LDB2: variants seen among roughly 807,000 people sequenced by gnomAD.
LDB2 encodes LIM domain binding 2, also known as LIM domain-binding protein 2.
LDB2 carries 12 observed loss-of-function variants against 44.3 expected under a neutral mutation model. That is an observed-to-expected ratio of 0.27 (90% CI 0.17 to 0.44). The LOEUF is 0.44. Among genes scored for constraint, LDB2 ranks in the 20% least tolerant of loss-of-function variants. LDB2 has a pLI of 1.00. For missense variants in LDB2, 344 were observed against 473.5 expected (o/e 0.73, Z 2.54); for synonymous variants, 164 against 174.8 (o/e 0.94, Z 0.49).
chr4:16,824,585 C>G (rs1469174038), intron 1 of LDB2, among the ~76,000 whole-genome samples: 1 of 152,140 alleles, frequency 6.6e-6, no homozygotes, highest in Non-Finnish European at 1.5e-5. Flanking sequence ...TGTCTTTGTC[C>G]AAGAGGCAAA....
intron 1 of LDB2, among the ~76,000 whole-genome samples, chr4:16,841,023 T>C (rs186874352): frequency 7.9e-5 from 12 of 151,846 alleles, no homozygotes; most frequent in Non-Finnish European, 1.3e-4. Flanking sequence ...TGCATGCACA[T>C]TCAAACCGCA....
intron 2 of LDB2, among the ~76,000 whole-genome samples, chr4:16,696,923 G>C (rs889436887): frequency 1.3e-5 from 2 of 152,046 alleles, no homozygotes; most frequent in Admixed American, 1.3e-4. Flanking sequence ...TGGGGAAAAA[G>C]TCACCCAGGT....
chr4:16,861,774 A>G (rs887226), intron 1 of LDB2, among the ~76,000 whole-genome samples: 1 of 152,010 alleles, frequency 6.6e-6, no homozygotes, highest in Non-Finnish European at 1.5e-5. Context: ...GCCGCAGACA[A>G]ACTACGCCTT....
intron 2 of LDB2, among the ~76,000 whole-genome samples, chr4:16,600,860 T>C (rs1047389781): frequency 2.0e-5 from 3 of 152,140 alleles, no homozygotes; most frequent in Non-Finnish European, 2.9e-5. Flanking sequence ...TTTTCCTTGT[T>C]TAGAAACAAA....
intron 5 of LDB2, among the ~76,000 whole-genome samples, chr4:16,530,678 G>GT (rs1328717767): frequency 6.6e-6 from 1 of 152,110 alleles, no homozygotes; most frequent in Non-Finnish European, 1.5e-5. Context: ...TTTCTTTGAG[G>GT]TACAGAACCT....
At position 16,645,483 on chromosome 4, in the gene LDB2, G is replaced by A. The variant is rs552057649; in HGVS notation, c.236-49608C>T. On this transcript the variant is annotated intron_variant, in intron 2 of 7. Coordinates refer to ENST00000304523, the MANE Select transcript of LDB2 (RefSeq NM_001290.5). ...ACCCGGGAAGCGGAGCCTGCAGTGA[G>A]CCGAGATTGCGCCACTGCAGTCCGC... Among the ~76,000 whole-genome samples, 30 of 146,870 alleles carry A rather than the reference G, an allele frequency of 2.0e-4. 1 individual carries two copies. In the East Asian group the frequency reaches 5.3e-3, roughly 26 times the overall value.
chr4:16,628,840 C>G (rs1731058291), intron 2 of LDB2, among the ~76,000 whole-genome samples: 1 of 152,188 alleles, frequency 6.6e-6, no homozygotes, highest in Non-Finnish European at 1.5e-5. Context: ...GGGGATCTCC[C>G]TTTCCTATCC....
At chr4:16,565,659 A>T (rs941135472) in intron 5 of LDB2, among the ~76,000 whole-genome samples, 1 of 152,046 alleles carries the variant, frequency 6.6e-6, no homozygotes, top group Non-Finnish European at 1.5e-5. Context: ...CAAAAGAAAG[A>T]AATAAGATAT....
chr4:16,621,979 G>A (rs1279654268), intron 2 of LDB2, among the ~76,000 whole-genome samples: 12 of 152,336 alleles, frequency 7.9e-5, no homozygotes, highest in African/African-American at 2.9e-4. Flanking sequence ...TGGTGCAAAA[G>A]TAATTGTGAT....
intron 1 of LDB2, among the ~76,000 whole-genome samples, chr4:16,831,765 G>A (rs1477794255): frequency 6.6e-6 from 1 of 152,136 alleles, no homozygotes; most frequent in Non-Finnish European, 1.5e-5. Flanking sequence ...ATGTCTCTCT[G>A]GAAACTAAGT....
intron 1 of LDB2, among the ~76,000 whole-genome samples, chr4:16,873,693 T>C (rs950649374): frequency 1.3e-5 from 2 of 152,246 alleles, no homozygotes; most frequent in Non-Finnish European, 1.5e-5. Flanking sequence ...ACTTAGTATT[T>C]GAGAAAACAG....
chr4:16,885,380 T>C (rs192792446), intron 1 of LDB2, among the ~76,000 whole-genome samples: 1 of 152,240 alleles, frequency 6.6e-6, no homozygotes, highest in African/African-American at 2.4e-5. Context: ...CAGTGAAATG[T>C]GCCTTTAGAA....
intron 1 of LDB2, among the ~76,000 whole-genome samples, chr4:16,785,120 T>A (rs915720775): frequency 1.3e-5 from 2 of 152,042 alleles, no homozygotes; most frequent in African/African-American, 4.8e-5. Flanking sequence ...TAATCCCAAT[T>A]TTGTAAAAAT....
chr4:16,544,591 G>A (rs1318228998), intron 5 of LDB2, among the ~76,000 whole-genome samples: 1 of 152,166 alleles, frequency 6.6e-6, no homozygotes, highest in Non-Finnish European at 1.5e-5. Flanking sequence ...TTTTGGATCC[G>A]GAGCATGGTG....
chr4:16,596,248 A>G (rs1720873642), intron 2 of LDB2, among the ~76,000 whole-genome samples: 1 of 152,106 alleles, frequency 6.6e-6, no homozygotes, highest in African/African-American at 2.4e-5. Context: ...GATTTTTTTA[A>G]TGCATCATGT....
At chr4:16,743,726 A>G (rs1763809770) in intron 2 of LDB2, among the ~76,000 whole-genome samples, 1 of 152,066 alleles carries the variant, frequency 6.6e-6, no homozygotes, top group Non-Finnish European at 1.5e-5. Context: ...AGAAACCTCC[A>G]TCGTACCACT....
chr4:16,717,046 T>C (rs1231530530), intron 2 of LDB2, among the ~76,000 whole-genome samples: 1 of 151,956 alleles, frequency 6.6e-6, no homozygotes, highest in Non-Finnish European at 1.5e-5. Context: ...ATTAGCTGTT[T>C]CTCAGTTATT....
chr4:16,748,835 A>C (rs1764881681), intron 2 of LDB2, among the ~76,000 whole-genome samples: 1 of 152,220 alleles, frequency 6.6e-6, no homozygotes, highest in Non-Finnish European at 1.5e-5. Context: ...AGTGTGAAGC[A>C]TTATTAGGAA....
chr4:16,706,989 ATTTCAC>A (rs1241398244), intron 2 of LDB2, among the ~76,000 whole-genome samples: 3 of 152,156 alleles, frequency 2.0e-5, no homozygotes, highest in Non-Finnish European at 2.9e-5. Flanking sequence ...CAAATGATTA[ATTTCAC>A]TTTGGCAAAC....
Sources: gnomAD v4.1 joint callset for allele counts (sites outside exome capture counted in the v4.1 genomes callset) on GRCh38, gnomAD v4.1.1 for gene constraint, MANE v1.5 for transcripts, NCBI Gene and HGNC (gene_info 2026-07-23, HGNC 2026-07-21) for gene names.